Variants in NLN observed in about 807,000 individuals in gnomAD.
NLN encodes neurolysin, mitochondrial.
In NLN, 64 loss-of-function variants were observed where a neutral mutation model predicts 79.9. The observed-to-expected ratio is 0.80, with a 90% CI of 0.65 to 0.99. The LOEUF (loss-of-function observed/expected upper bound fraction) is 0.99. NLN is among the 50% of genes least tolerant of loss of function. The probability of loss-of-function intolerance (pLI) is 0.00; values close to 1 mark genes in which losing one functional copy is unlikely to be tolerated. For synonymous variants in NLN, 267 were observed against 296.6 expected (o/e 0.90, Z 1.02); for missense variants, 835 against 858.7 (o/e 0.97, Z 0.34).
chr5:65,804,156 A>C (rs1296210726), intron 9 of NLN, among the ~76,000 whole-genome samples: 1 of 151,864 alleles, frequency 6.6e-6, no homozygotes, highest in Non-Finnish European at 1.5e-5. Context: ...TTTTTTTTCC[A>C]TTTTACTCTA....
intron 1 of NLN, among the ~76,000 whole-genome samples, chr5:65,738,891 G>C (rs1462183871): frequency 6.9e-6 from 1 of 145,768 alleles, no homozygotes; most frequent in Non-Finnish European, 1.5e-5. Flanking sequence ...TGAGTAGCTG[G>C]GATCACAGGT....
intron 2 of NLN, 146 bp downstream of exon 2, chr5:65,758,972 T>C (rs1404101755): frequency 4.0e-6 from 3 of 750,216 alleles, no homozygotes; most frequent in African/African-American, 1.8e-5. Flanking sequence ...GATTTTAAAA[T>C]TGTTTATGTT....
rs1352436372 is a variant in NLN at position 65,722,347 on chromosome 5, C to T, written c.-27C>T. ...GCCCCACGCCGAAGGACCACGCGCC[C>T]GCCGCCGCCAGCCTCTCAGCGCTCC... On this transcript the variant is annotated 5_prime_UTR_variant, in exon 1 of 13. Transcript: ENST00000380985. 9 of 1,540,890 alleles carry T rather than the reference C, an allele frequency of 5.8e-6. No homozygotes were observed. The highest frequency in any genetic ancestry group is 1.8e-4 in the Middle Eastern group (1 of 5,714).
Position 65,799,427 on chromosome 5 carries a change from G to C in NLN, c.1527+6772G>C, listed in dbSNP as rs148521447. Among the ~76,000 whole-genome samples, 1,088 of 152,226 alleles carry C rather than the reference G, an allele frequency of 7.1e-3. 10 individuals are homozygous for C. The highest frequency in any genetic ancestry group is 0.023 in the African/African-American group (949 of 41,554). On this transcript the variant is annotated intron_variant, in intron 9 of 12. Coordinates refer to ENST00000380985, the MANE Select transcript of NLN (RefSeq NM_020726.5). ...AGGTTGAGGTCAAGAATGATAACAA[G>C]GGAAAATATCTTTGAGTTGTTTAAG...
At chr5:65,751,366 G>T (rs976051407) in intron 1 of NLN, among the ~76,000 whole-genome samples, 1 of 152,154 alleles carries the variant, frequency 6.6e-6, no homozygotes, top group African/African-American at 2.4e-5. Context: ...AGGGAAGATG[G>T]TGTTGCTTTA....
At chr5:65,803,328 G>A (rs1434976263) in intron 9 of NLN, among the ~76,000 whole-genome samples, 3 of 152,190 alleles carry the variant, frequency 2.0e-5, no homozygotes, top group Non-Finnish European at 4.4e-5. Context: ...GCCAAGCCAC[G>A]CTCAGTTCCC....
chr5:65,723,506 A>G (rs936462936), intron 1 of NLN, among the ~76,000 whole-genome samples: 6 of 152,138 alleles, frequency 3.9e-5, no homozygotes, highest in African/African-American at 1.4e-4. Context: ...AGAGGAGGGA[A>G]TAAATCTTCA....
At chr5:65,782,322 TC>T (rs748239614) in intron 6 of NLN, among the ~76,000 whole-genome samples, 2 of 152,192 alleles carry the variant, frequency 1.3e-5, no homozygotes, top group Non-Finnish European at 2.9e-5. Context: ...GCTTTAGGGA[TC>T]AAATAATCCA....
intron 1 of NLN, among the ~76,000 whole-genome samples, chr5:65,757,866 C>T (rs553435369): frequency 4.6e-5 from 7 of 152,096 alleles, no homozygotes; most frequent in South Asian, 2.1e-4. Flanking sequence ...AATGTTTCCT[C>T]GCTAAACTTG....
intron 1 of NLN, among the ~76,000 whole-genome samples, chr5:65,753,755 A>C (rs1380683413): frequency 6.6e-6 from 1 of 151,900 alleles, no homozygotes; most frequent in Admixed American, 6.6e-5. Flanking sequence ...GTTAAGATGG[A>C]TATGTCCTAT....
At chr5:65,787,406 A>G (rs1331889783) in intron 7 of NLN, among the ~76,000 whole-genome samples, 1 of 152,132 alleles carries the variant, frequency 6.6e-6, no homozygotes, top group African/African-American at 2.4e-5. Context: ...CTGCTCCTCC[A>G]TCTCTCACAT....
chr5:65,785,179 G>A (rs2150759555), intron 6 of NLN, among the ~76,000 whole-genome samples: 1 of 152,196 alleles, frequency 6.6e-6, no homozygotes, highest in Admixed American at 6.5e-5. Flanking sequence ...AATTATCTTT[G>A]TTATTTACTG....
In NLN at chr5:65,806,945, G is replaced by A. The variant is rs191545795; in HGVS notation, c.1528-2570G>A. 2.1e-4 allele frequency among the ~76,000 whole-genome samples: 32 copies of A among 152,278 alleles called. 1 individual carries two copies. The East Asian group carries it at 5.0e-3, about 24-fold the overall frequency. On this transcript the variant is annotated intron_variant, in intron 9 of 12. Coordinates refer to ENST00000380985, the MANE Select transcript of NLN (RefSeq NM_020726.5). ...TAATCCCAGCACTCTGGGAGGCCGA[G>A]GTGGGTGGATCACCTGCGGTCAGGA...
At chr5:65,756,838 A>T (rs2150745122) in intron 1 of NLN, among the ~76,000 whole-genome samples, 1 of 152,208 alleles carries the variant, frequency 6.6e-6, no homozygotes, top group East Asian at 1.9e-4. Context: ...AAGGCTCTTC[A>T]TTTGCTAAAT....
intron 1 of NLN, among the ~76,000 whole-genome samples, chr5:65,744,370 C>T (rs933670654): frequency 7.2e-5 from 11 of 152,122 alleles, no homozygotes; most frequent in African/African-American, 2.4e-4. Flanking sequence ...AAGGTAATAA[C>T]TTTGTCTTAT....
Position 65,823,092 on chromosome 5 carries a change from TAAGAA to T in NLN, c.*182_*186del, listed in dbSNP as rs768167666. ...AAATGGAATTATAAATACTGTGACC[TAAGAA>T]AAGACCCACTAGAAAGTAATTGTAC... On this transcript the variant is annotated 3_prime_UTR_variant, in exon 13 of 13. Coordinates refer to ENST00000380985, the MANE Select transcript of NLN (RefSeq NM_020726.5). 10 of 511,564 alleles carry T rather than the reference TAAGAA, an allele frequency of 2.0e-5. No homozygotes were observed. Among genetic ancestry groups the T allele is most frequent in the South Asian group, 3.3e-5 (1 of 29,908 alleles). 31.7% of individuals were successfully genotyped at this position (511,564 alleles called of 1,614,324 possible). A position where few individuals can be genotyped will look rare whatever the true frequency, so the allele number is the denominator to read the frequency against.
At chr5:65,815,835 A>T (rs560719389) in intron 12 of NLN, among the ~76,000 whole-genome samples, 1 of 152,332 alleles carries the variant, frequency 6.6e-6, no homozygotes, top group South Asian at 2.1e-4. Context: ...TACAAAATAC[A>T]GGTACCCAGT....
intron 1 of NLN, among the ~76,000 whole-genome samples, chr5:65,737,716 C>T (rs1758757987): frequency 6.6e-6 from 1 of 152,132 alleles, no homozygotes; most frequent in Non-Finnish European, 1.5e-5. Context: ...TAGCTGGGTG[C>T]AGATTTCTTA....
intron 4 of NLN, 49 bp downstream of exon 4, chr5:65,777,583 A>C (rs1237951031): frequency 8.1e-7 from 1 of 1,232,778 alleles, no homozygotes; most frequent in Non-Finnish European, 1.2e-6. Context: ...TGAATAAATA[A>C]AACAAAATAC....
Sources: allele counts gnomAD v4.1 joint callset (sites outside exome capture counted in the v4.1 genomes callset), GRCh38; gene constraint gnomAD v4.1.1; transcripts MANE v1.5; gene names NCBI Gene and HGNC (gene_info 2026-07-23, HGNC 2026-07-21).